Variants in LRRC7 observed in about 807,000 individuals in gnomAD.
LRRC7 encodes leucine rich repeat containing 7, also known as leucine-rich repeat-containing protein 7.
In LRRC7, 23 loss-of-function variants were observed where a neutral mutation model predicts 175.7. That is an observed-to-expected ratio of 0.13 (90% CI 0.09 to 0.19). LRRC7 has a LOEUF of 0.19. Among genes scored for constraint, LRRC7 ranks in the 10% least tolerant of loss-of-function variants. LRRC7 has a pLI of 1.00. For missense variants in LRRC7, 1,354 were observed against 1,904.7 expected (o/e 0.71, Z 5.38); for synonymous variants, 685 against 680.9 (o/e 1.01, Z -0.09).
At chr1:69,583,298 A>C (rs1646272404) in intron 1 of LRRC7, among the ~76,000 whole-genome samples, 1 of 152,004 alleles carries the variant, frequency 6.6e-6, no homozygotes, top group Admixed American at 6.6e-5. Context: ...TTTACAAATA[A>C]ATTTTTTGTT....
At chr1:69,825,681 T>A (rs1224113382) in intron 4 of LRRC7, 67 bp from the exon 5 acceptor site, 1 of 1,003,072 alleles carries the variant, frequency 1.0e-6, no homozygotes, top group Non-Finnish European at 1.5e-6. Flanking sequence ...TATCTAAATA[T>A]TAGAACTATA....
At chr1:70,049,299 T>C (rs1660573709) in intron 22 of LRRC7, among the ~76,000 whole-genome samples, 1 of 152,146 alleles carries the variant, frequency 6.6e-6, no homozygotes, top group Non-Finnish European at 1.5e-5. Flanking sequence ...CTAAACTATT[T>C]TTAAATGTCT....
chr1:69,692,266 A>C (rs1661984148), intron 2 of LRRC7, among the ~76,000 whole-genome samples: 1 of 152,208 alleles, frequency 6.6e-6, no homozygotes, highest in African/African-American at 2.4e-5. Flanking sequence ...GTTCTCCTCC[A>C]GTATTTATTA....
chr1:70,083,512 A>T (rs956204255), intron 24 of LRRC7, among the ~76,000 whole-genome samples: 1 of 152,094 alleles, frequency 6.6e-6, no homozygotes, highest in African/African-American at 2.4e-5. Flanking sequence ...CCTATCGTCA[A>T]ATCTCCATCC....
intron 18 of LRRC7, among the ~76,000 whole-genome samples, chr1:70,032,093 G>A (rs79393024): frequency 0.12 from 18,362 of 152,134 alleles, 1,184 homozygotes; most frequent in African/African-American, 0.16. Context: ...CACCGCTCCC[G>A]GCCAAGGATT....
At chr1:70,018,510 A>T (rs1237485894) in intron 14 of LRRC7, among the ~76,000 whole-genome samples, 3 of 152,164 alleles carry the variant, frequency 2.0e-5, no homozygotes, top group South Asian at 2.1e-4. Flanking sequence ...TTGTAAAAGG[A>T]TATACTAAAG....
rs1646361592 is a variant in LRRC7, at chr1:69,585,286, A to AT, written c.2+16651dup. Among the ~76,000 whole-genome samples the AT allele has an allele frequency of 5.3e-5, 8 of 152,236 alleles. No homozygotes were observed. The South Asian group carries it at 1.5e-3, about 28-fold the overall frequency. On this transcript the variant is annotated intron_variant, in intron 1 of 26. Transcript: ENST00000651989. ...CATATTTACTCTGTGAGCAAATATG[A>AT]TTTTTTAACAAAAGAATGAAAATAT...
At chr1:69,785,375 T>G (rs984409948) in intron 3 of LRRC7, among the ~76,000 whole-genome samples, 3 of 152,156 alleles carry the variant, frequency 2.0e-5, no homozygotes, top group African/African-American at 7.2e-5. Context: ...TTTTACAACT[T>G]TGCATCAAGT....
At chr1:69,803,967 T>G (rs1676821076) in intron 4 of LRRC7, among the ~76,000 whole-genome samples, 1 of 151,370 alleles carries the variant, frequency 6.6e-6, no homozygotes, top group Non-Finnish European at 1.5e-5. Context: ...TTTTGCTTGT[T>G]GGTCTTTTCT....
chr1:69,856,282 T>A (rs12048784), intron 7 of LRRC7, among the ~76,000 whole-genome samples: 7,588 of 152,076 alleles, frequency 0.05, 247 homozygotes, highest in East Asian at 0.15. Context: ...CTGAAGGAGA[T>A]AGAAACACAA....
intron 7 of LRRC7, among the ~76,000 whole-genome samples, chr1:69,848,897 A>G (rs1285484398): frequency 1.3e-5 from 2 of 152,070 alleles, no homozygotes; most frequent in Non-Finnish European, 2.9e-5. Flanking sequence ...TCTTTTGGCA[A>G]TATGAGGTTA....
intron 10 of LRRC7, among the ~76,000 whole-genome samples, chr1:69,989,223 A>G (rs1411577597): frequency 5.9e-5 from 9 of 152,174 alleles, no homozygotes. Context: ...AATGAAAAGG[A>G]AGATATTGGT....
intron 3 of LRRC7, among the ~76,000 whole-genome samples, chr1:69,777,609 C>T (rs1672956639): frequency 6.6e-6 from 1 of 152,150 alleles, no homozygotes; most frequent in Non-Finnish European, 1.5e-5. Context: ...AAACCTATCT[C>T]CTGTCCTGTA....
chr1:69,642,806 T>TGATAGATA (rs1212232470), intron 1 of LRRC7, among the ~76,000 whole-genome samples: 1 of 109,910 alleles, frequency 9.1e-6, no homozygotes, highest in South Asian at 3.2e-4. Flanking sequence ...TAATGACAGA[T>TGATAGATA]GATACATAGA....
intron 11 of LRRC7, among the ~76,000 whole-genome samples, chr1:70,006,471 CAA>C (rs1330605625): frequency 3.8e-4 from 30 of 77,982 alleles, no homozygotes; most frequent in African/African-American, 2.7e-4. Context: ...GACTCAGTCT[CAA>C]AAAAAAAAAA....
At chr1:69,701,660 G>A (rs928347659) in intron 2 of LRRC7, among the ~76,000 whole-genome samples, 2 of 152,126 alleles carry the variant, frequency 1.3e-5, no homozygotes, top group African/African-American at 2.4e-5. Flanking sequence ...TTTCACATGA[G>A]GCTGTTTTTA....
At chr1:69,893,551 T>C (rs2101649330) in intron 7 of LRRC7, among the ~76,000 whole-genome samples, 1 of 152,322 alleles carries the variant, frequency 6.6e-6, no homozygotes, top group South Asian at 2.1e-4. Flanking sequence ...GGAATTGTAA[T>C]TTTTATTATA....
At chr1:69,928,110 A>G (rs1647147815) in intron 7 of LRRC7, among the ~76,000 whole-genome samples, 1 of 152,138 alleles carries the variant, frequency 6.6e-6, no homozygotes, top group Non-Finnish European at 1.5e-5. Flanking sequence ...CGGTGGCTGC[A>G]CAACAGCGGA....
chr1:69,679,299 GA>G (rs1406172010), intron 2 of LRRC7, among the ~76,000 whole-genome samples: 1 of 152,000 alleles, frequency 6.6e-6, no homozygotes, highest in Non-Finnish European at 1.5e-5. Flanking sequence ...ATTTTACAAG[GA>G]TAAAGCTAAT....
Sources: allele counts gnomAD v4.1 joint callset (sites outside exome capture counted in the v4.1 genomes callset), GRCh38; gene constraint gnomAD v4.1.1; transcripts MANE v1.5; gene names NCBI Gene and HGNC (gene_info 2026-07-23, HGNC 2026-07-21).